Variants in SERPINA5 observed in about 807,000 individuals in gnomAD.
SERPINA5 encodes plasma serine protease inhibitor.
Under a neutral mutation model 25.3 loss-of-function variants are expected in SERPINA5, and 25 were observed. The ratio of observed to expected loss-of-function variants is 0.99; its 90% CI spans 0.72 to 1.38. The LOEUF is 1.38. Ranked by LOEUF, SERPINA5 falls within the 40% of genes most tolerant of loss-of-function variation. SERPINA5 has a pLI of 0.00. For synonymous variants in SERPINA5, 234 were observed against 206.2 expected (o/e 1.14, Z -1.16); for missense variants, 599 against 509.5 (o/e 1.18, Z -1.69).
At chr14:94,589,810 C>T (rs1194768159) in intron 3 of SERPINA5, among the ~76,000 whole-genome samples, 1 of 152,098 alleles carries the variant, frequency 6.6e-6, no homozygotes, top group Non-Finnish European at 1.5e-5. Flanking sequence ...AACCAACCTC[C>T]TTGTTTTGCA....
Position 94,587,854 on chromosome 14 carries a change from C to G in SERPINA5, c.492C>G (p.Asp164Glu), listed in dbSNP as rs371043669. ...LADTFPTNFR[D>E]SAGAMKQIND... ...ACACTTTCCCTACCAACTTTAGGGACTCTGCAGGGGCCATGAAGCAGATCA... is the reference window on the plus strand; with the variant it reads ...ACACTTTCCCTACCAACTTTAGGGAGTCTGCAGGGGCCATGAAGCAGATCA... The change falls in exon 3 of 6, where the codon GAC becomes GAG. Residue 164 changes from aspartate (D) to glutamate (E), a missense_variant. Transcript: ENST00000329597. 6.2e-7 allele frequency: 1 copy of G among 1,613,954 alleles called. No individual in the cohort carries two copies. Among genetic ancestry groups the G allele is most frequent in the Non-Finnish European group, 8.5e-7 (1 of 1,179,824 alleles).
At position 94,587,988 on chromosome 14, in the gene SERPINA5, CCCTTGGGCCCAAA is replaced by C. The variant is rs1885155141; in HGVS notation, c.619+11_619+23del. The C allele has an allele frequency of 1.9e-6, 3 of 1,608,748 alleles. No individual in the cohort carries two copies. Among genetic ancestry groups the C allele is most frequent in the Admixed American group, 1.7e-5 (1 of 59,646 alleles). On this transcript the variant is annotated splice_region_variant and intron_variant, in intron 3 of 5. Coordinates refer to ENST00000329597, the MANE Select transcript of SERPINA5 (RefSeq NM_000624.6). Reference sequence around the variant, plus strand: ...AATTACATCTTCTTTAAAGGTAAGGCCCTTGGGCCCAAACCTGCACTTTCTTTGGCTTTTCTGC... The same window carrying C: ...AATTACATCTTCTTTAAAGGTAAGGCCCTGCACTTTCTTTGGCTTTTCTGC...
intron 2 of SERPINA5, chr14:94,587,068 T>G: frequency 2.6e-6 from 1 of 379,168 alleles, no homozygotes; most frequent in Non-Finnish European, 4.7e-6. Flanking sequence ...TGTCCCTTGA[T>G]GTGGATGGGT....
chr14:94,592,137 G>A lies in SERPINA5; in HGVS notation c.1119G>A (p.Arg373=), dbSNP rs758863911. 1 of 1,614,112 alleles carries A rather than the reference G, an allele frequency of 6.2e-7. No homozygotes were observed. Among genetic ancestry groups the A allele is most frequent in the Non-Finnish European group, 8.5e-7 (1 of 1,180,006 alleles). Residue 373 remains arginine (R), a synonymous_variant, in exon 6 of 6, where the codon AGG becomes AGA. Transcript: ENST00000329597. ...CCACGGGGACAATATTCACTTTCAG[G>A]TCGGCCCGCCTGAACTCTCAGAGGC... is the stretch of plus-strand genomic sequence containing the variant. ...AAATGTIFTF[R]SARLNSQRLV...
chr14:94,587,256 AC>A, intron 2 of SERPINA5, 89 bp from the exon 3 acceptor site: 1 of 1,173,198 alleles, frequency 8.5e-7, no homozygotes, highest in East Asian at 2.3e-5. Flanking sequence ...GACCAAACAT[AC>A]CCATTGAGTG....
intron 3 of SERPINA5, among the ~76,000 whole-genome samples, chr14:94,589,782 G>T (rs1015669744): frequency 4.6e-5 from 7 of 152,230 alleles, no homozygotes; most frequent in Non-Finnish European, 7.4e-5. Flanking sequence ...AGGGGTCCAG[G>T]GCCTCTGAAG....
intron 2 of SERPINA5, chr14:94,587,061 C>T (rs1385065568): frequency 1.1e-5 from 4 of 363,824 alleles, no homozygotes; most frequent in Non-Finnish European, 9.9e-6. Flanking sequence ...CAAAATGTGT[C>T]CCTTGATGTG....
intron 2 of SERPINA5, among the ~76,000 whole-genome samples, chr14:94,585,319 G>T (rs905972103): frequency 6.6e-6 from 1 of 152,176 alleles, no homozygotes; most frequent in Non-Finnish European, 1.5e-5. Flanking sequence ...GCTGGGTTTG[G>T]TGCCAGGTTC....
chr14:94,591,000 CA>C, intron 5 of SERPINA5, 104 bp downstream of exon 5: 1 of 914,494 alleles, frequency 1.1e-6, no homozygotes. Context: ...CACTCAACTC[CA>C]CTCCACTCCA....
At chr14:94,589,473 GA>G (rs534696364) in intron 3 of SERPINA5, among the ~76,000 whole-genome samples, 451 of 151,734 alleles carry the variant, frequency 3.0e-3, no homozygotes, top group Middle Eastern at 6.8e-3. Context: ...AGAAAAAAAA[GA>G]AAAAAAGAAA....
At chr14:94,590,946 T>C in intron 5 of SERPINA5, 50 bp downstream of exon 5, 1 of 1,531,992 alleles carries the variant, frequency 6.5e-7, no homozygotes, top group South Asian at 1.3e-5. Context: ...TATTCTGTTC[T>C]ATTCTTTCTA....
chr14:94,582,267 G>A (rs1036180071), intron 2 of SERPINA5: 5 of 152,238 alleles, frequency 3.3e-5, no homozygotes, highest in African/African-American at 9.6e-5. Flanking sequence ...AGAGCAAACT[G>A]CTTCCTTGGG....
At position 94,590,272 on chromosome 14, in the gene SERPINA5, A is replaced by G; in HGVS notation, c.851A>G (p.Glu284Gly). Residue 284 changes from glutamate to glycine, a missense_variant, in exon 4 of 6, where the codon GAG (glutamate) becomes GGG (glycine). Transcript: ENST00000329597. ...KMQQVENGLS[E>G]KTLRKWLKMF... is the part of the protein sequence containing the mutation. ...CAGCAGGTGGAGAATGGACTGAGTG[A>G]GAAAACGCTGAGGAAGTGGCTTAAG... The G allele has an allele frequency of 6.2e-7, 1 of 1,611,000 alleles. No individual in the cohort carries two copies.
intron 5 of SERPINA5, among the ~76,000 whole-genome samples, 176 bp downstream of exon 5, chr14:94,591,072 TTCCAC>T (rs1244221200): frequency 1.5e-5 from 2 of 129,660 alleles, no homozygotes; most frequent in Admixed American, 7.4e-5. Flanking sequence ...CTTTATTCAA[TTCCAC>T]TCCACTCCAC....
intron 5 of SERPINA5, 124 bp from the exon 6 acceptor site, chr14:94,591,933 T>G (rs1595082999): frequency 5.5e-6 from 6 of 1,086,876 alleles, no homozygotes; most frequent in African/African-American, 3.1e-5. Context: ...CATTTCCTAC[T>G]TGCTCCATGG....
chr14:94,592,247 C>A lies in SERPINA5; in HGVS notation c.*8C>A. Reference sequence around the variant, plus strand: ...AAAGTGAACCGCCCCTGAGGTGGGGCTTCTCCTGAAATCTACAGGCCTCAG... The same window carrying A: ...AAAGTGAACCGCCCCTGAGGTGGGGATTCTCCTGAAATCTACAGGCCTCAG... On this transcript the variant is annotated 3_prime_UTR_variant, in exon 6 of 6. Transcript: ENST00000329597. 1 of 1,608,438 alleles carries A rather than the reference C, an allele frequency of 6.2e-7. No individual in the cohort carries two copies. The highest frequency in any genetic ancestry group is 1.1e-5 in the South Asian group (1 of 90,382).
Position 94,587,479 on chromosome 14 carries a change from G to A in SERPINA5, c.117G>A (p.Thr39=), listed in dbSNP as rs150723931. Reference sequence around the variant, plus strand: ...TCGAGGACCTCCATGTAGGTGCCACGGTGGCCCCCAGCAGCAGAAGGGACT... The same window carrying A: ...TCGAGGACCTCCATGTAGGTGCCACAGTGGCCCCCAGCAGCAGAAGGGACT... The part of the protein sequence containing the change: ...KRVEDLHVGA[T]VAPSSRRDFT... The change falls in exon 3 of 6, where the codon ACG becomes ACA. Residue 39 remains threonine, a synonymous_variant. Coordinates refer to ENST00000329597, the MANE Select transcript of SERPINA5 (RefSeq NM_000624.6). 6.1e-5 allele frequency: 99 copies of A among 1,614,198 alleles called. No individual in the cohort carries two copies. In the African/African-American group the frequency reaches 6.7e-4, roughly 11 times the overall value.
chr14:94,583,306 A>G (rs1404529677), intron 2 of SERPINA5, among the ~76,000 whole-genome samples: 2 of 152,164 alleles, frequency 1.3e-5, no homozygotes, highest in African/African-American at 4.8e-5. Flanking sequence ...GGGGGAGATG[A>G]AGGGAGCTTC....
chr14:94,590,219 G>T lies in SERPINA5; in HGVS notation c.798G>T (p.Leu266Phe), dbSNP rs199711204. The change falls in exon 4 of 6, where the codon TTG becomes TTT. Residue 266 changes from leucine (L) to phenylalanine (F), a missense_variant. Physicochemically the swap from Leu to Phe is conservative, Grantham distance 22. Coordinates refer to ENST00000329597, the MANE Select transcript of SERPINA5 (RefSeq NM_000624.6). ...CCTACCAAGGCAATGCCACGGCTTT[G>T]TTCATTCTCCCCAGTGAGGGAAAGA... ...GVPYQGNATA[L>F]FILPSEGKMQ... 75 of 1,613,924 alleles carry T rather than the reference G, an allele frequency of 4.6e-5. No individual in the cohort carries two copies. The highest frequency in any genetic ancestry group is 6.0e-5 in the Non-Finnish European group (71 of 1,179,946).
Sources: gnomAD v4.1 joint callset for allele counts (sites outside exome capture counted in the v4.1 genomes callset) on GRCh38, gnomAD v4.1.1 for gene constraint, MANE v1.5 for transcripts, NCBI Gene and HGNC (gene_info 2026-07-23, HGNC 2026-07-21) for gene names.